The following IGFN1 variants were observed in gnomAD, a reference collection of about 807,000 sequenced individuals.
IGFN1 encodes the protein immunoglobulin like and fibronectin type III domain containing 1, also known as immunoglobulin-like and fibronectin type III domain-containing protein 1.
Under a neutral mutation model 289.5 loss-of-function variants are expected in IGFN1, and 253 were observed. The ratio of observed to expected loss-of-function variants is 0.87; its 90% CI spans 0.79 to 0.97. The LOEUF is 0.97. Among genes scored for constraint, IGFN1 ranks in the 50% least tolerant of loss-of-function variants. The probability of loss-of-function intolerance (pLI) is 0.00; values close to 1 mark genes in which losing one functional copy is unlikely to be tolerated. For missense variants in IGFN1, 4,470 were observed against 4,686.1 expected (o/e 0.95, Z 1.35); for synonymous variants, 1,706 against 1,788.5 (o/e 0.95, Z 1.16).
intron 12 of IGFN1, among the ~76,000 whole-genome samples, chr1:201,213,829 A>G (rs1041090100): frequency 1.3e-5 from 2 of 152,184 alleles, no homozygotes; most frequent in African/African-American, 4.8e-5. Context: ...TGAGAGGCTC[A>G]GAGGTCTCCT....
Position 201,205,255 on chromosome 1 carries a change from A to G in IGFN1, c.1090A>G (p.Thr364Ala). 6.4e-7 allele frequency: 1 copy of G among 1,550,910 alleles called. No homozygotes were observed. Among genetic ancestry groups the G allele is most frequent in the Non-Finnish European group, 8.7e-7 (1 of 1,146,936 alleles). Residue 364 changes from threonine to alanine, a missense_variant, in exon 11 of 24, where the codon ACC becomes GCC. Physicochemically the swap from Thr to Ala is moderately conservative, Grantham distance 58. Coordinates refer to ENST00000335211, the MANE Select transcript of IGFN1 (RefSeq NM_001164586.2). ...AGTGTATGTGTCCCCTGACGGGCTG[A>G]CCCACCGGCTGGTGGTGAGGGGGGC... ...YEVYVSPDGL[T>A]HRLVVRGARF... is the part of the protein sequence containing the mutation.
At chr1:201,218,454 A>T in intron 17 of IGFN1, 76 bp from the exon 18 acceptor site, 3 of 1,486,990 alleles carry the variant, frequency 2.0e-6, no homozygotes, top group African/African-American at 1.4e-5. Flanking sequence ...TCTCCTTCAG[A>T]ACTTGGAGGC....
intron 10 of IGFN1, among the ~76,000 whole-genome samples, chr1:201,204,857 A>G (rs1473852231): frequency 6.6e-6 from 1 of 152,218 alleles, no homozygotes; most frequent in Non-Finnish European, 1.5e-5. Flanking sequence ...TTGGAAGTAT[A>G]GAATCCCAGA....
chr1:201,228,620 C>T lies in IGFN1; in HGVS notation c.*221C>T. ...CACCTCCTGGCTCCAAGCTAAGTCA[C>T]TCAACAGAATGACAGCGAACCTCCT... On this transcript the variant is annotated 3_prime_UTR_variant, in exon 24 of 24. Coordinates refer to ENST00000335211, the MANE Select transcript of IGFN1 (RefSeq NM_001164586.2). The T allele has an allele frequency of 1.6e-6, 1 of 609,144 alleles. No homozygotes were observed. Among genetic ancestry groups the T allele is most frequent in the Non-Finnish European group, 2.9e-6 (1 of 340,142 alleles). The allele number at this position is 609,144 out of a possible 1,614,324, so 37.7% of individuals were successfully genotyped here. A position where few individuals can be genotyped will look rare whatever the true frequency, so the allele number is the denominator to read the frequency against.
chr1:201,224,850 C>T lies in IGFN1; in HGVS notation c.10462C>T (p.His3488Tyr). 1 of 1,613,678 alleles carries T rather than the reference C, an allele frequency of 6.2e-7. No individual in the cohort carries two copies. ...LRTLQGKEVA[H>Y]SFRIRVAACP... is the part of the protein sequence containing the mutation. Reference sequence around the variant, plus strand: ...GACCCTGCAGGGGAAGGAGGTTGCCCACAGCTTCCGTATCAGGGTGGCAGG... The same window carrying T: ...GACCCTGCAGGGGAAGGAGGTTGCCTACAGCTTCCGTATCAGGGTGGCAGG... Residue 3488 changes from histidine (H) to tyrosine (Y), a missense_variant, in exon 21 of 24, where the codon CAC (histidine) becomes TAC (tyrosine). Coordinates refer to ENST00000335211, the MANE Select transcript of IGFN1 (RefSeq NM_001164586.2).
chr1:201,219,998 C>G (rs1378113373), intron 18 of IGFN1, among the ~76,000 whole-genome samples: 1 of 151,130 alleles, frequency 6.6e-6, no homozygotes, highest in African/African-American at 2.4e-5. Context: ...GTCTGTCATT[C>G]TTTCTTTCTC....
intron 1 of IGFN1, among the ~76,000 whole-genome samples, chr1:201,192,093 G>A (rs1396967036): frequency 1.3e-5 from 2 of 152,104 alleles, no homozygotes; most frequent in Non-Finnish European, 2.9e-5. Context: ...TCCCTTCGGC[G>A]TAGTGCCTGT....
chr1:201,204,460 C>T (rs957848845), intron 10 of IGFN1, among the ~76,000 whole-genome samples: 4 of 152,036 alleles, frequency 2.6e-5, no homozygotes, highest in Non-Finnish European at 4.4e-5. Context: ...GAAAGGACAA[C>T]GAGAGGCCTG....
At chr1:201,202,441 T>C (rs984157543) in intron 9 of IGFN1, among the ~76,000 whole-genome samples, 1 of 152,122 alleles carries the variant, frequency 6.6e-6, no homozygotes, top group African/African-American at 2.4e-5. Flanking sequence ...CCTCTCTGCT[T>C]ATTCCTGCTT....
chr1:201,208,014 A>C lies in IGFN1; in HGVS notation c.3121A>C (p.Asn1041His). Residue 1041 changes from asparagine (N) to histidine (H), a missense_variant, in exon 12 of 24, where the codon AAT (asparagine) becomes CAT (histidine). Asn to His is a moderately conservative substitution (Grantham distance 68). This residue lies in a region of IGFN1 where 2,011 missense variants were observed against 1,953.4 expected (regional missense o/e 1.03). Coordinates refer to ENST00000335211, the MANE Select transcript of IGFN1 (RefSeq NM_001164586.2). ...GTCTGGGAGAGTTGCCAGTCTTAAAAATGGCTCAGGTGGTCCTGATGGAGC... is the reference window on the plus strand; with the variant it reads ...GTCTGGGAGAGTTGCCAGTCTTAAACATGGCTCAGGTGGTCCTGATGGAGC... ...GGSGRVASLK[N>H]GSGGPDGAPM... 4 of 1,536,898 alleles carry C rather than the reference A, an allele frequency of 2.6e-6. No homozygotes were observed. The highest frequency in any genetic ancestry group is 3.5e-6 in the Non-Finnish European group (4 of 1,146,822).
At chr1:201,200,102 C>A (rs1050328815) in intron 7 of IGFN1, 135 bp from the exon 8 acceptor site, 24 of 705,842 alleles carry the variant, frequency 3.4e-5, no homozygotes, top group Non-Finnish European at 4.2e-5. Flanking sequence ...TGGTCAGTCC[C>A]AGAGATTCCA....
chr1:201,192,696 A>G (rs1190662267), intron 1 of IGFN1, among the ~76,000 whole-genome samples: 1 of 152,148 alleles, frequency 6.6e-6, no homozygotes, highest in African/African-American at 2.4e-5. Context: ...GAGCGTGGGA[A>G]GTAGAGGGCT....
chr1:201,217,495 A>G (rs1339850408), intron 17 of IGFN1, 35 bp downstream of exon 17: 16 of 1,606,146 alleles, frequency 1.0e-5, no homozygotes, highest in Non-Finnish European at 1.3e-5. Context: ...GCTTCCTTAG[A>G]CCCCTCCTGG....
chr1:201,220,523 T>C (rs1433020645), intron 18 of IGFN1, among the ~76,000 whole-genome samples: 1 of 152,206 alleles, frequency 6.6e-6, no homozygotes, highest in Admixed American at 6.5e-5. Context: ...AGACAATAGA[T>C]AGGATAAGCA....
chr1:201,205,760 A>G (rs977639800), intron 11 of IGFN1, among the ~76,000 whole-genome samples: 1 of 152,224 alleles, frequency 6.6e-6, no homozygotes, highest in African/African-American at 2.4e-5. Context: ...TCGATATTTT[A>G]AAAACCATGC....
intron 9 of IGFN1, 145 bp downstream of exon 9, chr1:201,201,977 G>C (rs114995806): frequency 1.0e-4 from 64 of 615,492 alleles, no homozygotes; most frequent in African/African-American, 9.9e-4. Flanking sequence ...GGAGTTCCTG[G>C]CTGGACCTGG....
In IGFN1 at chr1:201,212,004, C is replaced by T. The variant is rs1667838501; in HGVS notation, c.7111C>T (p.Leu2371=). Residue 2371 remains leucine (L), a synonymous_variant, in exon 12 of 24, where the codon CTG becomes TTG. Coordinates refer to ENST00000335211, the MANE Select transcript of IGFN1 (RefSeq NM_001164586.2). Reference sequence around the variant, plus strand: ...AGGGAGGCTTGGAGTACCAGGCTCACTGGCTGGAATAGGACATGAGGCTGG... The same window carrying T: ...AGGGAGGCTTGGAGTACCAGGCTCATTGGCTGGAATAGGACATGAGGCTGG... ...GSGRLGVPGS[L]AGIGHEAGPR... is the part of the protein sequence containing the mutation. The T allele has an allele frequency of 6.5e-7, 1 of 1,535,932 alleles. No homozygotes were observed. Among genetic ancestry groups the T allele is most frequent in the Non-Finnish European group, 8.7e-7 (1 of 1,146,530 alleles).
At chr1:201,201,164 G>C (rs1008933095) in intron 8 of IGFN1, among the ~76,000 whole-genome samples, 1 of 152,174 alleles carries the variant, frequency 6.6e-6, no homozygotes, top group African/African-American at 2.4e-5. Flanking sequence ...TCATGGAAGG[G>C]AATTTCACAG....
chr1:201,221,215 T>C (rs191505459), intron 18 of IGFN1, among the ~76,000 whole-genome samples: 2 of 152,206 alleles, frequency 1.3e-5, no homozygotes, highest in Non-Finnish European at 2.9e-5. Context: ...GGGAATGAGT[T>C]GAGGGAGGCT....
Sources: allele counts gnomAD v4.1 joint callset (sites outside exome capture counted in the v4.1 genomes callset), GRCh38; gene constraint gnomAD v4.1.1; regional missense constraint gnomAD v4.1.1; transcripts MANE v1.5; gene names NCBI Gene and HGNC (gene_info 2026-07-23, HGNC 2026-07-21).